Variants in NSFL1C observed in about 807,000 individuals in gnomAD.
NSFL1C encodes the protein NSFL1 cofactor p47.
A neutral mutation model predicts 43.1 loss-of-function variants in NSFL1C; 14 were observed. The observed-to-expected ratio is 0.32, with a 90% CI of 0.21 to 0.51. NSFL1C has a LOEUF of 0.51. Ranked by LOEUF, NSFL1C falls within the 20% of genes least tolerant of loss-of-function variation. The pLI, the probability that NSFL1C is intolerant of heterozygous loss-of-function variation, is 0.98. For synonymous variants in NSFL1C, 171 were observed against 183.5 expected (o/e 0.93, Z 0.55); for missense variants, 406 against 472.5 (o/e 0.86, Z 1.30).
chr20:1,464,101 G>C (rs1442919284), intron 2 of NSFL1C: 4 of 467,212 alleles, frequency 8.6e-6, no homozygotes, highest in African/African-American at 7.9e-5. Flanking sequence ...CTTAAAAGTA[G>C]GTTTGTGGTT....
intron 5 of NSFL1C, 59 bp from the exon 6 acceptor site, chr20:1,453,199 TG>T: frequency 3.1e-6 from 3 of 963,506 alleles, no homozygotes; most frequent in Non-Finnish European, 5.1e-6. Context: ...AATTTGAACT[TG>T]CAAATTAGCA....
chr20:1,445,557 G>T, intron 8 of NSFL1C, 109 bp downstream of exon 8: 1 of 1,273,482 alleles, frequency 7.9e-7, no homozygotes, highest in Non-Finnish European at 1.1e-6. Flanking sequence ...GGGAAAGCAT[G>T]GAGTGCCTGC....
intron 2 of NSFL1C, among the ~76,000 whole-genome samples, chr20:1,460,594 C>T (rs1355923017): frequency 1.3e-5 from 2 of 152,156 alleles, no homozygotes; most frequent in Non-Finnish European, 2.9e-5. Flanking sequence ...TGAAGTGGCA[C>T]AAAACTCCTT....
chr20:1,444,136 G>C (rs1197968508), intron 8 of NSFL1C, among the ~76,000 whole-genome samples: 5 of 152,122 alleles, frequency 3.3e-5, no homozygotes. Context: ...TGTTCCCAAG[G>C]ACCTAATTTT....
chr20:1,457,114 A>G (rs1173422609), intron 3 of NSFL1C: 1 of 152,218 alleles, frequency 6.6e-6, no homozygotes, highest in African/African-American at 2.4e-5. Flanking sequence ...TAAAGGTTAA[A>G]AACAAATAGT....
intron 7 of NSFL1C, among the ~76,000 whole-genome samples, chr20:1,448,402 C>G (rs781414907): frequency 6.6e-6 from 1 of 152,144 alleles, no homozygotes; most frequent in Non-Finnish European, 1.5e-5. Context: ...GAGGATGAGA[C>G]GAGATAATGT....
intron 8 of NSFL1C, among the ~76,000 whole-genome samples, chr20:1,444,453 T>C (rs1387442422): frequency 6.6e-6 from 1 of 152,330 alleles, no homozygotes; most frequent in East Asian, 1.9e-4. Context: ...GCACTTAAAC[T>C]ATCTGTCAGA....
intron 7 of NSFL1C, 45 bp from the exon 8 acceptor site, chr20:1,445,875 C>G: frequency 1.9e-6 from 3 of 1,597,916 alleles, no homozygotes; most frequent in Non-Finnish European, 2.6e-6. Flanking sequence ...AAACAAGGCC[C>G]CTAGCAAGAA....
chr20:1,457,459 C>T (rs1171848288), intron 3 of NSFL1C, among the ~76,000 whole-genome samples: 2 of 152,176 alleles, frequency 1.3e-5, no homozygotes, highest in Non-Finnish European at 2.9e-5. Context: ...GAAATTAACA[C>T]TTGGCAATTT....
intron 1 of NSFL1C, among the ~76,000 whole-genome samples, chr20:1,466,451 T>A (rs2090513576): frequency 6.6e-6 from 1 of 152,178 alleles, no homozygotes; most frequent in South Asian, 2.1e-4. Context: ...CCTCGCCGGC[T>A]GCCGCAGCGC....
At chr20:1,456,012 G>A in intron 3 of NSFL1C, 1 of 450,272 alleles carries the variant, frequency 2.2e-6, no homozygotes, top group Non-Finnish European at 4.1e-6. Flanking sequence ...AAAACCAGTT[G>A]TCATGCAGCC....
chr20:1,456,881 T>C (rs1568624481), intron 3 of NSFL1C: 1 of 152,198 alleles, frequency 6.6e-6, no homozygotes, highest in Non-Finnish European at 1.5e-5. Context: ...ATATAATGGA[T>C]TATTATTATA....
At chr20:1,458,383 G>A (rs1947586323) in intron 2 of NSFL1C, 109 bp from the exon 3 acceptor site, 5 of 816,028 alleles carry the variant, frequency 6.1e-6, no homozygotes, top group Non-Finnish European at 6.4e-6. Context: ...TTTGGTAGGC[G>A]AGAGGAGGAC....
Position 1,452,587 on chromosome 20 carries a change from C to G in NSFL1C, c.691G>C (p.Val231Leu), listed in dbSNP as rs779117739. Residue 231 changes from valine (V) to leucine (L), a missense_variant, in exon 7 of 9, where the codon GTG becomes CTG. Transcript: ENST00000216879. ...ELRRLAHGGQ[V>L]NLDMEDHRDE... ...CGATGGTCCTCCATATCCAAGTTCA[C>G]CTGTCCACCGTGAGCTAGCCTCCGA... 8 of 1,614,194 alleles carry G rather than the reference C, an allele frequency of 5.0e-6. No homozygotes were observed.
rs1468412078 is a variant in NSFL1C, at chr20:1,445,812, C to T, written c.804G>A (p.Leu268=). 6.2e-7 allele frequency: 1 copy of T among 1,614,036 alleles called. No individual in the cohort carries two copies. The highest frequency in any genetic ancestry group is 1.7e-5 in the Admixed American group (1 of 60,016). ...CCTGTTGGGCTGGAGAGCTGGTACT[C>T]AACACCTGGGGGGCAGTGCTGAGGA... ...QKLGSTAPQV[L]STSSPAQQAE... The change falls in exon 8 of 9, where the codon TTG becomes TTA. Residue 268 remains leucine (L), a synonymous_variant. Coordinates refer to ENST00000216879, the MANE Select transcript of NSFL1C (RefSeq NM_016143.5).
chr20:1,444,983 T>C (rs2090028774), intron 8 of NSFL1C, among the ~76,000 whole-genome samples: 1 of 152,254 alleles, frequency 6.6e-6, no homozygotes, highest in African/African-American at 2.4e-5. Context: ...ATCCCACATG[T>C]GGGTGCTGGC....
intron 8 of NSFL1C, among the ~76,000 whole-genome samples, chr20:1,444,161 C>T (rs2090008582): frequency 6.6e-6 from 1 of 152,236 alleles, no homozygotes; most frequent in Non-Finnish European, 1.5e-5. Flanking sequence ...CACCCTCTTT[C>T]CCCTCGTTCT....
At chr20:1,454,893 CG>C in intron 4 of NSFL1C, 73 bp downstream of exon 4, 1 of 1,486,902 alleles carries the variant, frequency 6.7e-7, no homozygotes, top group Non-Finnish European at 9.3e-7. Context: ...CAGTCACTAC[CG>C]GGGTGAAGAA....
At chr20:1,454,166 G>A (rs562018081) in intron 5 of NSFL1C, 47 bp downstream of exon 5, 8 of 1,461,404 alleles carry the variant, frequency 5.5e-6, no homozygotes, top group Non-Finnish European at 7.7e-6. Flanking sequence ...CAGAAAAATG[G>A]CAGAACAGTC....
Sources: gnomAD v4.1 joint callset for allele counts (sites outside exome capture counted in the v4.1 genomes callset) on GRCh38, gnomAD v4.1.1 for gene constraint, MANE v1.5 for transcripts, NCBI Gene and HGNC (gene_info 2026-07-23, HGNC 2026-07-21) for gene names.